FAAP20: variants seen among roughly 807,000 people sequenced by gnomAD.
FAAP20 encodes the protein Fanconi anemia core complex-associated protein 20.
In FAAP20, 12 loss-of-function variants were observed where a neutral mutation model predicts 16.2. The observed-to-expected ratio is 0.74, with a 90% CI of 0.48 to 1.20. FAAP20 has a LOEUF of 1.20. Ranked by LOEUF, FAAP20 falls within the 50% of genes most tolerant of loss-of-function variation. The pLI, the probability that FAAP20 is intolerant of heterozygous loss-of-function variation, is 0.00. For missense variants in FAAP20, 288 were observed against 245.8 expected, an observed-to-expected ratio of 1.17 and a Z score of -1.15; for synonymous variants, 141 against 110.7, an observed-to-expected ratio of 1.27 and a Z score of -1.72.
chr1:2,199,535 G>T (rs1688964104), upstream of FAAP20: 1 of 986,050 alleles, frequency 1.0e-6, no homozygotes, highest in African/African-American at 1.7e-5. This position sits in a 1 kb window ranked among gnomAD's most constrained non-coding sequence, Gnocchi z 4.5. Flanking sequence ...CTCAGAGTGC[G>T]CGGCACCAAG....
At chr1:2,202,728 G>A (rs1013729035), upstream of FAAP20, among the ~76,000 whole-genome samples, 2 of 152,018 alleles carry the variant, frequency 1.3e-5, no homozygotes, top group Non-Finnish European at 2.9e-5. Context: ...CTCTTCCCTC[G>A]GCCTCCCAAA....
downstream of FAAP20, among the ~76,000 whole-genome samples, chr1:2,211,481 C>T (rs1376921502): frequency 1.1e-5 from 1 of 90,516 alleles, no homozygotes; most frequent in Non-Finnish European, 2.0e-5. Flanking sequence ...GAGTCTTGCT[C>T]TGTTGCCTAG....
At chr1:2,188,812 T>C (rs922062658), downstream of FAAP20, among the ~76,000 whole-genome samples, 12 of 151,120 alleles carry the variant, frequency 7.9e-5, no homozygotes, top group Non-Finnish European at 1.0e-4. Context: ...AAGACCATCC[T>C]GGCTAACACG....
chr1:2,184,808 G>A, downstream of FAAP20: 1 of 1,376,212 alleles, frequency 7.3e-7, no homozygotes, highest in Non-Finnish European at 1.0e-6. Context: ...CACCCGCCTG[G>A]TGTCATCTCT....
chr1:2,189,409 T>C (rs954460227), downstream of FAAP20: 2 of 439,602 alleles, frequency 4.5e-6, no homozygotes, highest in Non-Finnish European at 8.4e-6. Flanking sequence ...GAAAACGAGC[T>C]ACCCTCAGCC....
chr1:2,205,224 C>T (rs1163687637), intron 3 of FAAP20, among the ~76,000 whole-genome samples: 1 of 76,136 alleles, frequency 1.3e-5, no homozygotes, highest in Non-Finnish European at 2.6e-5. Context: ...CTCCTTCTGG[C>T]CCTTCCCTTG....
upstream of FAAP20, chr1:2,199,403 C>A: frequency 9.8e-7 from 1 of 1,024,482 alleles, no homozygotes; most frequent in Non-Finnish European, 1.2e-6. This position sits in a 1 kb window ranked among gnomAD's most constrained non-coding sequence, Gnocchi z 4.5. Context: ...CCAGCCCAGC[C>A]CAGCCCAGCC....
chr1:2,188,873 C>T (rs1477388574), downstream of FAAP20, among the ~76,000 whole-genome samples: 1 of 151,912 alleles, frequency 6.6e-6, no homozygotes, highest in Non-Finnish European at 1.5e-5. Flanking sequence ...GGCGTGGTGG[C>T]GGGCGCCTGT....
At chr1:2,205,939 T>G (rs1305264420) in intron 3 of FAAP20, among the ~76,000 whole-genome samples, 3 of 152,256 alleles carry the variant, frequency 2.0e-5, no homozygotes, top group African/African-American at 7.2e-5. Context: ...TCATTCCTTT[T>G]CGGTCTGATC....
downstream of FAAP20, chr1:2,189,543 A>T (rs1687916713): frequency 9.4e-6 from 6 of 640,742 alleles, no homozygotes; most frequent in Non-Finnish European, 1.4e-5. Flanking sequence ...GAAAAGCGGC[A>T]GACGTTTCAT....
chr1:2,200,586 C>T, upstream of FAAP20: 1 of 973,840 alleles, frequency 1.0e-6, no homozygotes, highest in Non-Finnish European at 1.2e-6. Flanking sequence ...CACCAGCTGC[C>T]TGAACTGTGA....
chr1:2,211,599 C>T (rs1689449410), downstream of FAAP20, among the ~76,000 whole-genome samples: 1 of 150,362 alleles, frequency 6.7e-6, no homozygotes, highest in Non-Finnish European at 1.5e-5. Flanking sequence ...AGGCACCCGC[C>T]ACCACGCCCG....
At chr1:2,194,611 G>C (rs914672229) in intron 1 of FAAP20, 77 bp downstream of exon 1, 27 of 812,564 alleles carry the variant, frequency 3.3e-5, no homozygotes, top group Non-Finnish European at 4.2e-5. Context: ...AGAATAGAGC[G>C]GGAGGCCCGC....
upstream of FAAP20, among the ~76,000 whole-genome samples, chr1:2,204,060 C>T (rs1188350458): frequency 2.0e-5 from 3 of 152,244 alleles, no homozygotes; most frequent in East Asian, 1.9e-4. Context: ...CACATCTGGG[C>T]AGTTGGTGAG....
At chr1:2,184,919 C>T, downstream of FAAP20, 4 of 1,613,426 alleles carry the variant, frequency 2.5e-6, no homozygotes, top group Non-Finnish European at 1.7e-6. Flanking sequence ...CCTTTGCCCA[C>T]AGGGATGCCA....
downstream of FAAP20, chr1:2,189,421 G>C (rs909340983): frequency 4.1e-6 from 2 of 486,056 alleles, no homozygotes; most frequent in Non-Finnish European, 7.5e-6. Context: ...CCCTCAGCCC[G>C]TCCGCTGTCC....
chr1:2,192,726 A>T (rs1456077550), intron 3 of FAAP20: 3 of 1,146,802 alleles, frequency 2.6e-6, no homozygotes, highest in Non-Finnish European at 3.4e-6. Flanking sequence ...GAATCCTCCC[A>T]CTTCAGCCTC....
At chr1:2,199,491 G>C, upstream of FAAP20, 1 of 992,758 alleles carries the variant, frequency 1.0e-6, no homozygotes, top group Non-Finnish European at 1.2e-6. The surrounding 1 kb of genome is among the most constrained non-coding windows in gnomAD (Gnocchi z 4.5). Context: ...TACCCAGGAG[G>C]GCGGTCCTGT....
chr1:2,195,050 C>T (rs1688750398), upstream of FAAP20, among the ~76,000 whole-genome samples: 1 of 152,128 alleles, frequency 6.6e-6, no homozygotes, highest in South Asian at 2.1e-4. Context: ...CGATGGCTGC[C>T]CGGCCCGCCC....
Sources: allele counts gnomAD v4.1 joint callset (sites outside exome capture counted in the v4.1 genomes callset), GRCh38; gene constraint gnomAD v4.1.1; non-coding constraint Gnocchi (gnomAD v3.1); transcripts MANE v1.5; gene names NCBI Gene and HGNC (gene_info 2026-07-23, HGNC 2026-07-21).